The following RHBDL3 variants were observed in gnomAD, a reference collection of about 807,000 sequenced individuals.
The protein encoded by RHBDL3 is rhomboid-related protein 3.
A neutral mutation model predicts 48.2 loss-of-function variants in RHBDL3; 28 were observed. That is an observed-to-expected ratio of 0.58 (90% CI 0.43 to 0.80). The LOEUF (loss-of-function observed/expected upper bound fraction) is 0.80, where lower values mean the gene tolerates loss of function less well. Among genes scored for constraint, RHBDL3 ranks in the 30% least tolerant of loss-of-function variants. RHBDL3 has a pLI of 0.00. For missense variants in RHBDL3, 464 were observed against 542.7 expected (o/e 0.85, Z 1.44); for synonymous variants, 208 against 232.3 (o/e 0.90, Z 0.95).
chr17:32,319,123 TAAA>T (rs34447899), intron 8 of RHBDL3, among the ~76,000 whole-genome samples: 2 of 143,286 alleles, frequency 1.4e-5, no homozygotes, highest in African/African-American at 5.1e-5. Context: ...TCTTGTTGTT[TAAA>T]AAAAAAAAAA....
chr17:32,272,391 G>C (rs1408660675), intron 2 of RHBDL3, among the ~76,000 whole-genome samples: 1 of 152,228 alleles, frequency 6.6e-6, no homozygotes, highest in Non-Finnish European at 1.5e-5. Context: ...TCTGGGAGCT[G>C]AAAAGAGGTT....
At chr17:32,286,929 G>A (rs1382659120) in intron 3 of RHBDL3, among the ~76,000 whole-genome samples, 1 of 152,194 alleles carries the variant, frequency 6.6e-6, no homozygotes, top group African/African-American at 2.4e-5. Context: ...CAACAGCTCT[G>A]TATGGGCTAG....
At chr17:32,278,650 A>G (rs955381747) in intron 2 of RHBDL3, among the ~76,000 whole-genome samples, 1 of 152,190 alleles carries the variant, frequency 6.6e-6, no homozygotes, top group African/African-American at 2.4e-5. Context: ...ATATGAATCC[A>G]TCTGCACCTA....
At chr17:32,318,255 G>T (rs558228328) in intron 8 of RHBDL3, among the ~76,000 whole-genome samples, 1 of 151,410 alleles carries the variant, frequency 6.6e-6, no homozygotes, top group Admixed American at 6.6e-5. Flanking sequence ...TAGCCCAGGA[G>T]CTTGAGGCAG....
At chr17:32,300,440 G>A (rs895891580) in intron 6 of RHBDL3, among the ~76,000 whole-genome samples, 2 of 152,106 alleles carry the variant, frequency 1.3e-5, no homozygotes, top group African/African-American at 2.4e-5. Context: ...AGTCCCACCA[G>A]CTACTTGGGA....
At chr17:32,289,889 C>A (rs1025216989) in intron 4 of RHBDL3, among the ~76,000 whole-genome samples, 16 of 152,332 alleles carry the variant, frequency 1.1e-4, no homozygotes, top group African/African-American at 3.1e-4. Flanking sequence ...AAAAGCTTCG[C>A]GGCATCCTTC....
rs879699341 is a variant in RHBDL3 at position 32,269,751 on chromosome 17, CT to C, written c.135+1835del. Among the ~76,000 whole-genome samples, 10 of 151,946 alleles carry C rather than the reference CT, an allele frequency of 6.6e-5. 1 individual carries two copies. Among genetic ancestry groups the C allele is most frequent in the Non-Finnish European group, 1.2e-4 (8 of 67,924 alleles). ...AGAACCTAGAACAAAGTGTATCATT[CT>C]TTTTTTTTCTCTGTCTGTGTCTATC... On this transcript the variant is annotated intron_variant, in intron 2 of 8. Coordinates refer to ENST00000269051, the MANE Select transcript of RHBDL3 (RefSeq NM_138328.3).
chr17:32,311,266 G>A (rs1257483575), intron 7 of RHBDL3, among the ~76,000 whole-genome samples: 2 of 152,256 alleles, frequency 1.3e-5, no homozygotes, highest in African/African-American at 4.8e-5. Flanking sequence ...AGCAGCAGCA[G>A]TGCTGGCTGC....
rs138399307 is a variant in RHBDL3, at chr17:32,283,566, G to A, written c.136-1093G>A. Among the ~76,000 whole-genome samples the A allele has an allele frequency of 1.6e-3, 239 of 151,856 alleles. No individual in the cohort carries two copies. In the East Asian group the frequency reaches 0.031, roughly 20 times the overall value. ...TCTCCATCTCCTGACCTTGTGATCC[G>A]CCCGCCTTGGCCTCCCAAAGTGCTG... is the stretch of plus-strand genomic sequence containing the variant. On this transcript the variant is annotated intron_variant, in intron 2 of 8. Coordinates refer to ENST00000269051, the MANE Select transcript of RHBDL3 (RefSeq NM_138328.3).
chr17:32,310,628 G>T (rs1321817819), intron 7 of RHBDL3, among the ~76,000 whole-genome samples: 1 of 152,070 alleles, frequency 6.6e-6, no homozygotes, highest in Non-Finnish European at 1.5e-5. Context: ...CAGAAGAATC[G>T]CTTGAACTCG....
At chr17:32,286,849 G>A (rs929454167) in intron 3 of RHBDL3, among the ~76,000 whole-genome samples, 7 of 152,184 alleles carry the variant, frequency 4.6e-5, no homozygotes, top group East Asian at 1.9e-4. Flanking sequence ...AATCTGGCCC[G>A]GACTTTGCCC....
intron 2 of RHBDL3, among the ~76,000 whole-genome samples, chr17:32,269,162 A>G (rs2039708409): frequency 6.6e-6 from 1 of 152,192 alleles, no homozygotes; most frequent in South Asian, 2.1e-4. Context: ...AGCCTCGCCA[A>G]CAAAGTGAGA....
chr17:32,279,010 C>G (rs1357673889), intron 2 of RHBDL3, among the ~76,000 whole-genome samples: 6 of 151,970 alleles, frequency 3.9e-5, no homozygotes, highest in African/African-American at 1.5e-4. Flanking sequence ...TACCTGTGGT[C>G]CCAGCTACTC....
intron 8 of RHBDL3, among the ~76,000 whole-genome samples, chr17:32,319,527 G>A (rs1202979294): frequency 3.3e-5 from 5 of 152,026 alleles, no homozygotes; most frequent in African/African-American, 1.2e-4. Flanking sequence ...ATCAAACCCT[G>A]GACCTGGGGA....
chr17:32,294,259 T>A (rs1476158126), intron 4 of RHBDL3, 35 bp from the exon 5 acceptor site: 1 of 1,601,240 alleles, frequency 6.2e-7, no homozygotes, highest in Non-Finnish European at 8.5e-7. Context: ...CTGGGCAGTG[T>A]GCACCTAGTA....
At chr17:32,296,775 TTTTTATTTTATTTTATTTTA>T (rs140902896) in intron 5 of RHBDL3, among the ~76,000 whole-genome samples, 5,112 of 141,158 alleles carry the variant, frequency 0.036, 119 homozygotes, top group Middle Eastern at 0.054. Flanking sequence ...CCGTAGCTCT[TTTTTATTTTATTTTATTTTA>T]TTTTATTTTA....
chr17:32,275,777 AG>A (rs570519011), intron 2 of RHBDL3, among the ~76,000 whole-genome samples: 93 of 152,292 alleles, frequency 6.1e-4, no homozygotes, highest in African/African-American at 2.2e-3. Context: ...GAGAGGGCTG[AG>A]CTGCCTCCCG....
At position 32,316,247 on chromosome 17, in the gene RHBDL3, A is replaced by C. The variant is rs773029682; in HGVS notation, c.898A>C (p.Lys300Gln). The C allele has an allele frequency of 1.2e-6, 2 of 1,613,660 alleles. No homozygotes were observed. The highest frequency in any genetic ancestry group is 1.7e-4 in the Middle Eastern group (1 of 6,056). The stretch of plus-strand genomic sequence containing the variant: ...TTTTCCCTAGAACTGGTCAGGCATG[A>C]AGTGCCAGTTCAAGCTGCTGCGGAT... ...ANIVMNWSGMKCQFKLLRMAV... is the reference protein window; with the variant it reads ...ANIVMNWSGMQCQFKLLRMAV... Residue 300 changes from lysine to glutamine, a missense_variant, in exon 8 of 9, where the codon AAG becomes CAG. Transcript: ENST00000269051.
chr17:32,296,331 CTTTTTTTTTTT>C (rs5819975), intron 5 of RHBDL3, among the ~76,000 whole-genome samples: 6 of 83,806 alleles, frequency 7.2e-5, no homozygotes, highest in African/African-American at 1.8e-4. Context: ...GAATAGGTCT[CTTTTTTTTTTT>C]TTTTTTTTTT....
Sources: gnomAD v4.1 joint callset for allele counts (sites outside exome capture counted in the v4.1 genomes callset) on GRCh38, gnomAD v4.1.1 for gene constraint, MANE v1.5 for transcripts, NCBI Gene and HGNC (gene_info 2026-07-23, HGNC 2026-07-21) for gene names.